Variants in PRDM11 observed in about 807,000 individuals in gnomAD.
PRDM11 encodes the protein PR domain-containing protein 11.
PRDM11 carries 20 observed loss-of-function variants against 97.8 expected under a neutral mutation model. That is an observed-to-expected ratio of 0.20 (90% CI 0.14 to 0.30). PRDM11 has a LOEUF of 0.30. PRDM11 is among the 10% of genes least tolerant of loss of function. The pLI, the probability that PRDM11 is intolerant of heterozygous loss-of-function variation, is 1.00. For synonymous variants in PRDM11, 599 were observed against 637.7 expected, an observed-to-expected ratio of 0.94 and a Z score of 0.91; for missense variants, 1,139 against 1,555.2, an observed-to-expected ratio of 0.73 and a Z score of 4.50.
intron 5 of PRDM11, chr11:45,214,622 A>C (rs2135828380): frequency 6.6e-6 from 1 of 152,318 alleles, no homozygotes; most frequent in African/African-American, 2.4e-5. Flanking sequence ...CCTGTCCAAC[A>C]GCCTGATGGC....
At chr11:45,209,868 G>A (rs1394068651) in intron 5 of PRDM11, among the ~76,000 whole-genome samples, 4 of 152,224 alleles carry the variant, frequency 2.6e-5, no homozygotes, top group Non-Finnish European at 4.4e-5. Flanking sequence ...GGACTGGGGA[G>A]GGCTCCCTGA....
intron 6 of PRDM11, among the ~76,000 whole-genome samples, chr11:45,222,067 TC>T (rs1214811004): frequency 6.6e-6 from 1 of 152,224 alleles, no homozygotes; most frequent in Non-Finnish European, 1.5e-5. Flanking sequence ...CCAGAAGTCT[TC>T]CTGAAGAGAG....
intron 1 of PRDM11, among the ~76,000 whole-genome samples, chr11:45,134,150 T>C (rs1341934505): frequency 1.3e-5 from 2 of 150,018 alleles, no homozygotes; most frequent in Non-Finnish European, 3.0e-5. Context: ...TGTTTAAAAA[T>C]GGGAAGAGAC....
chr11:45,228,936 A>T lies in PRDM11; in HGVS notation c.*777A>T, dbSNP rs945813405. ...TATTACCCATTATACTGAAGGCAAC[A>T]TTGCCTCACCGCTGAGCTTGAAATC... On this transcript the variant is annotated 3_prime_UTR_variant, in exon 8 of 8. Coordinates refer to ENST00000683152, the MANE Select transcript of PRDM11 (RefSeq NM_001384648.1). 5 of 152,152 alleles carry T rather than the reference A, an allele frequency of 3.3e-5. No individual in the cohort carries two copies. The highest frequency in any genetic ancestry group is 3.3e-4 in the Admixed American group (5 of 15,280). The allele number at this position is 152,152 out of a possible 1,614,324, so 9.4% of individuals were successfully genotyped here. A position where few individuals can be genotyped will look rare whatever the true frequency, so the allele number is the denominator to read the frequency against.
intron 1 of PRDM11, among the ~76,000 whole-genome samples, chr11:45,174,295 A>G (rs775779627): frequency 1.3e-4 from 20 of 152,236 alleles, no homozygotes; most frequent in Non-Finnish European, 1.9e-4. Flanking sequence ...ATCAGGTAGG[A>G]CAAGTGAACA....
intron 1 of PRDM11, among the ~76,000 whole-genome samples, chr11:45,156,184 A>G (rs1851789652): frequency 6.6e-6 from 1 of 152,160 alleles, no homozygotes; most frequent in South Asian, 2.1e-4. Context: ...CCCTGAGATG[A>G]TGGGCAGTGT....
At chr11:45,213,053 T>G (rs1236456811) in intron 5 of PRDM11, 2 of 439,998 alleles carry the variant, frequency 4.5e-6, no homozygotes, top group South Asian at 3.2e-5. Flanking sequence ...ACCCAGCTAG[T>G]CTGCACTAGG....
chr11:45,153,000 C>A (rs576489087), intron 1 of PRDM11, among the ~76,000 whole-genome samples: 4 of 152,312 alleles, frequency 2.6e-5, no homozygotes, highest in African/African-American at 9.6e-5. Flanking sequence ...AGGCTGGAGG[C>A]AGGGAGGCCA....
chr11:45,129,313 AAAAAAATTGAAAAGT>A (rs1232215445), intron 1 of PRDM11, among the ~76,000 whole-genome samples: 9 of 152,292 alleles, frequency 5.9e-5, no homozygotes, highest in African/African-American at 9.6e-5. Context: ...ATATGGCAAG[AAAAAAATTGAAAAGT>A]ATGAGACTTA....
In PRDM11 at chr11:45,224,933, C is replaced by T. The variant is rs201762109; in HGVS notation, c.1369+90C>T. 3.9e-4 allele frequency: 629 copies of T among 1,595,176 alleles called. 4 individuals carry two copies. The African/African-American group carries it at 7.6e-3, about 19-fold the overall frequency. ...GCCTAAAGCTCTCTGTGGAAACCACCTTCCGGGAGACCTGAGGAGTGTAAC... is the reference window on the plus strand; with the variant it reads ...GCCTAAAGCTCTCTGTGGAAACCACTTTCCGGGAGACCTGAGGAGTGTAAC... On this transcript the variant is annotated intron_variant, in intron 7 of 7. Coordinates refer to ENST00000683152, the MANE Select transcript of PRDM11 (RefSeq NM_001384648.1).
intron 5 of PRDM11, among the ~76,000 whole-genome samples, chr11:45,206,315 G>A (rs1853508110): frequency 6.6e-6 from 1 of 152,190 alleles, no homozygotes; most frequent in Non-Finnish European, 1.5e-5. Flanking sequence ...AGATGAAAGA[G>A]GAGGGGTTCG....
intron 1 of PRDM11, among the ~76,000 whole-genome samples, chr11:45,173,304 G>T (rs1207420907): frequency 1.3e-5 from 2 of 152,132 alleles, no homozygotes; most frequent in African/African-American, 4.8e-5. Flanking sequence ...CCACCAGCAG[G>T]ATCCACTGTG....
chr11:45,218,066 T>G lies in PRDM11; in HGVS notation c.555-1504T>G, dbSNP rs557952648. Among the ~76,000 whole-genome samples, 5 of 152,342 alleles carry G rather than the reference T, an allele frequency of 3.3e-5. No homozygotes were observed. In the South Asian group the frequency reaches 1.0e-3, roughly 32 times the overall value. ...ATTTCAACACCATTTTTCCATGTCA[T>G]AAAAGATTCTTTGAAAACATTTTTC... On this transcript the variant is annotated intron_variant, in intron 5 of 7. Coordinates refer to ENST00000683152, the MANE Select transcript of PRDM11 (RefSeq NM_001384648.1).
At chr11:45,185,379 G>T (rs1852667446) in intron 4 of PRDM11, among the ~76,000 whole-genome samples, 1 of 152,214 alleles carries the variant, frequency 6.6e-6, no homozygotes, top group Non-Finnish European at 1.5e-5. Flanking sequence ...AACCCTGCTG[G>T]AGAGTGATGG....
intron 4 of PRDM11, among the ~76,000 whole-genome samples, chr11:45,200,095 C>T (rs1853274202): frequency 6.6e-6 from 1 of 152,226 alleles, no homozygotes; most frequent in South Asian, 2.1e-4. Flanking sequence ...TCACTGTGGC[C>T]TCTCCCTCCA....
intron 1 of PRDM11, among the ~76,000 whole-genome samples, chr11:45,159,412 T>A (rs892414310): frequency 6.6e-6 from 1 of 152,248 alleles, no homozygotes; most frequent in Non-Finnish European, 1.5e-5. Flanking sequence ...TGGGAGTCCC[T>A]GTGGTTCACA....
intron 4 of PRDM11, among the ~76,000 whole-genome samples, chr11:45,200,743 G>C (rs962701260): frequency 6.6e-6 from 1 of 152,220 alleles, no homozygotes; most frequent in East Asian, 1.9e-4. Context: ...CTGCAGACTG[G>C]AGCATCACTT....
At chr11:45,131,042 T>C (rs1852708129) in intron 1 of PRDM11, among the ~76,000 whole-genome samples, 1 of 152,202 alleles carries the variant, frequency 6.6e-6, no homozygotes, top group Non-Finnish European at 1.5e-5. Context: ...GGTATAGTCA[T>C]ATAATGGGGA....
intron 1 of PRDM11, among the ~76,000 whole-genome samples, chr11:45,136,378 GA>G (rs962855960): frequency 1.3e-5 from 2 of 152,090 alleles, no homozygotes; most frequent in African/African-American, 4.8e-5. Flanking sequence ...TTCTCCTCTT[GA>G]AAAACCATCC....
Sources: gnomAD v4.1 joint callset for allele counts (sites outside exome capture counted in the v4.1 genomes callset) on GRCh38, gnomAD v4.1.1 for gene constraint, MANE v1.5 for transcripts, NCBI Gene and HGNC (gene_info 2026-07-23, HGNC 2026-07-21) for gene names.